CFAP97D2: variants seen among roughly 807,000 people sequenced by gnomAD.
The protein encoded by CFAP97D2 is uncharacterized protein CFAP97D2.
intron 4 of CFAP97D2, among the ~76,000 whole-genome samples, chr13:114,216,369 C>T (rs2080993200): frequency 6.6e-6 from 1 of 152,084 alleles, no homozygotes; most frequent in African/African-American, 2.4e-5. Flanking sequence ...TATATATGTG[C>T]CATGTTGGTG....
chr13:114,196,321 C>T (rs2080887033), intron 1 of CFAP97D2, 75 bp from the exon 2 acceptor site: 1 of 398,950 alleles, frequency 2.5e-6, no homozygotes, highest in African/African-American at 2.1e-5. Flanking sequence ...CCACGAAAGA[C>T]CCCAGAGCAG....
chr13:114,212,246 T>C (rs772316234), intron 4 of CFAP97D2: 27 of 395,788 alleles, frequency 6.8e-5, no homozygotes, highest in Non-Finnish European at 8.9e-5. Context: ...ATATGTCAAA[T>C]GGTCACATCC....
rs994796128 is a variant in CFAP97D2 at position 114,185,521 on chromosome 13, C to T, written c.90+6101C>T. Among the ~76,000 whole-genome samples, 1 of 152,232 alleles carries T rather than the reference C, an allele frequency of 6.6e-6. No homozygotes were observed. Among genetic ancestry groups the T allele is most frequent in the Non-Finnish European group, 1.5e-5 (1 of 68,040 alleles). On this transcript the variant is annotated intron_variant, in intron 1 of 4. Transcript: ENST00000646158. The surrounding 1 kb of genome is among the most constrained non-coding windows in gnomAD (Gnocchi z 5.2). ...AGCTCCCTGGGTACAGCTGCAGCCA[C>T]CTGGCCATGGCTGCGGACCCAGGCA... is the stretch of plus-strand genomic sequence containing the variant.
rs1368653533 is a variant in CFAP97D2, at chr13:114,203,781, G to A, written c.290+3338G>A. ...GCGCATGTGGGCATGTGCAGACAAG[G>A]CCCTGGGCAGGTTCCCTCATCTGCA... On this transcript the variant is annotated intron_variant, in intron 3 of 4. Coordinates refer to ENST00000646158, the Ensembl canonical transcript of CFAP97D2. The surrounding 1 kb of genome is among the most constrained non-coding windows in gnomAD (Gnocchi z 4.3). Among the ~76,000 whole-genome samples the A allele has an allele frequency of 1.3e-5, 2 of 152,190 alleles. No homozygotes were observed. Among genetic ancestry groups the A allele is most frequent in the African/African-American group, 4.8e-5 (2 of 41,456 alleles).
intron 4 of CFAP97D2, among the ~76,000 whole-genome samples, chr13:114,219,965 C>G (rs985657675): frequency 6.6e-6 from 1 of 152,040 alleles, no homozygotes; most frequent in Admixed American, 6.6e-5. Flanking sequence ...AACGTGAATG[C>G]GTCTCTCGGT....
chr13:114,221,612 C>T (rs1229189397), intron 4 of CFAP97D2, among the ~76,000 whole-genome samples: 1 of 152,086 alleles, frequency 6.6e-6, no homozygotes, highest in Non-Finnish European at 1.5e-5. Flanking sequence ...TGTGGAGAAA[C>T]TGGAACCCTC....
At chr13:114,220,215 G>A (rs1328765721) in intron 4 of CFAP97D2, among the ~76,000 whole-genome samples, 1 of 152,052 alleles carries the variant, frequency 6.6e-6, no homozygotes, top group African/African-American at 2.4e-5. Flanking sequence ...CTATGGTTCG[G>A]CCAGCTGCCA....
intron 4 of CFAP97D2, chr13:114,215,694 G>A (rs571256655): frequency 6.6e-6 from 1 of 152,302 alleles, no homozygotes; most frequent in South Asian, 2.1e-4. Context: ...CATAGAAATT[G>A]TTCTCCAGAG....
rs1158348821 is a variant in CFAP97D2 at position 114,203,716 on chromosome 13, AGGCTCCT to A, written c.290+3274_290+3280del. On this transcript the variant is annotated intron_variant, in intron 3 of 4. Transcript: ENST00000646158. The surrounding 1 kb of genome is among the most constrained non-coding windows in gnomAD (Gnocchi z 4.3). ...CCACCACACAGGAACTGAAGAGGCCAGGCTCCTCCCCTGCCCGTGGCTTCACCCGTTT... is the reference window on the plus strand; with the variant it reads ...CCACCACACAGGAACTGAAGAGGCCACCCCTGCCCGTGGCTTCACCCGTTT... Among the ~76,000 whole-genome samples the A allele has an allele frequency of 1.3e-5, 2 of 152,252 alleles. No homozygotes were observed. Among genetic ancestry groups the A allele is most frequent in the Non-Finnish European group, 2.9e-5 (2 of 68,050 alleles).
chr13:114,191,933 G>C (rs2080870832), intron 1 of CFAP97D2, among the ~76,000 whole-genome samples: 2 of 152,012 alleles, frequency 1.3e-5, no homozygotes, highest in South Asian at 4.2e-4. Flanking sequence ...AAAAAACATG[G>C]AAGAACCTTA....
intron 1 of CFAP97D2, among the ~76,000 whole-genome samples, chr13:114,195,326 T>C (rs941320504): frequency 6.6e-6 from 1 of 152,206 alleles, no homozygotes; most frequent in Admixed American, 6.5e-5. Flanking sequence ...CTAAGTGTGC[T>C]CTGTGAACAC....
intron 3 of CFAP97D2, among the ~76,000 whole-genome samples, chr13:114,204,061 G>C (rs2080929406): frequency 6.6e-6 from 1 of 152,130 alleles, no homozygotes; most frequent in East Asian, 1.9e-4. Context: ...CAGTGGCATG[G>C]GGGTAATGAA....
chr13:114,194,042 TA>T (rs2080877863), intron 1 of CFAP97D2, among the ~76,000 whole-genome samples: 1 of 152,262 alleles, frequency 6.6e-6, no homozygotes, highest in African/African-American at 2.4e-5. Flanking sequence ...TGGAAGGTAC[TA>T]AGAACCAACT....
intron 3 of CFAP97D2, among the ~76,000 whole-genome samples, chr13:114,201,308 A>C (rs2080916973): frequency 1.3e-5 from 2 of 152,194 alleles, no homozygotes. Context: ...GAAGTGCTTG[A>C]ACCTTTTAAG....
chr13:114,209,381 C>G (rs1046701662), intron 3 of CFAP97D2, among the ~76,000 whole-genome samples: 9 of 152,190 alleles, frequency 5.9e-5, no homozygotes, highest in Non-Finnish European at 1.0e-4. Flanking sequence ...ATAAAGTGAA[C>G]AGGTCTGCCT....
Position 114,179,381 on chromosome 13 carries a change from G to T in CFAP97D2, c.51G>T (p.Trp17Cys). 2.5e-6 allele frequency: 1 copy of T among 398,636 alleles called. No homozygotes were observed. The highest frequency in any genetic ancestry group is 4.4e-6 in the Non-Finnish European group (1 of 226,082). 24.7% of individuals were successfully genotyped at this position (398,636 alleles called of 1,614,324 possible). A position where few individuals can be genotyped will look rare whatever the true frequency, so the allele number is the denominator to read the frequency against. ...TTCCCTGTGCCAGTGAGTACCTGTG[G>T]CATGCAAGGGAGAAAGCCTATCAGG... is the stretch of plus-strand genomic sequence containing the variant. Residue 17 changes from tryptophan (W) to cysteine (C), a missense_variant, in exon 1 of 5, where the codon TGG becomes TGT. Physicochemically the swap from Trp to Cys is radical, Grantham distance 215. Coordinates refer to ENST00000646158, the Ensembl canonical transcript of CFAP97D2. The surrounding 1 kb of genome is among the most constrained non-coding windows in gnomAD (Gnocchi z 4.8).
chr13:114,203,932 T>C lies in CFAP97D2; in HGVS notation c.290+3489T>C, dbSNP rs575578979. On this transcript the variant is annotated intron_variant, in intron 3 of 4. Transcript: ENST00000646158. This position sits in a 1 kb window ranked among gnomAD's most constrained non-coding sequence, Gnocchi z 4.3. ...CTCCAGCCAACTTCTCTGTAGAAAT[T>C]GACCCACTGGTTCTAAAATTTGATG... is the stretch of plus-strand genomic sequence containing the variant. Among the ~76,000 whole-genome samples the C allele has an allele frequency of 6.6e-6, 1 of 152,358 alleles. No homozygotes were observed. Among genetic ancestry groups the C allele is most frequent in the South Asian group, 2.1e-4 (1 of 4,826 alleles).
downstream of CFAP97D2, chr13:114,222,798 G>A (rs1474094597): frequency 5.5e-6 from 2 of 360,894 alleles, no homozygotes; most frequent in Admixed American, 4.7e-5. The surrounding 1 kb of genome is among the most constrained non-coding windows in gnomAD (Gnocchi z 4.4). Context: ...CTCCTCAAAC[G>A]GTGTTTCAAC....
chr13:114,204,221 C>T (rs547849412), intron 3 of CFAP97D2, among the ~76,000 whole-genome samples: 38 of 152,284 alleles, frequency 2.5e-4, no homozygotes, highest in African/African-American at 7.7e-4. Context: ...GGCATTTATG[C>T]TGAAGAGGGC....
Sources: allele counts gnomAD v4.1 joint callset (sites outside exome capture counted in the v4.1 genomes callset), GRCh38; gene constraint gnomAD v4.1.1; non-coding constraint Gnocchi (gnomAD v3.1); transcripts MANE v1.5; gene names NCBI Gene and HGNC (gene_info 2026-07-23, HGNC 2026-07-21).